CRMP1: variants seen among roughly 807,000 people sequenced by gnomAD.
CRMP1 encodes the protein collapsin response mediator protein 1.
CRMP1 carries 19 observed loss-of-function variants against 68.3 expected under a neutral mutation model. The observed-to-expected ratio is 0.28, with a 90% CI of 0.19 to 0.41. CRMP1 has a LOEUF of 0.41. CRMP1 is among the 10% of genes least tolerant of loss of function. The pLI is 1.00. For synonymous variants in CRMP1, 439 were observed against 399.6 expected (o/e 1.10, Z -1.18); for missense variants, 791 against 967.4 (o/e 0.82, Z 2.42).
At position 5,838,270 on chromosome 4, in the gene CRMP1, G is replaced by C. The variant is rs1028170205; in HGVS notation, c.1310+1252C>G. On this transcript the variant is annotated intron_variant, in intron 9 of 13. Coordinates refer to ENST00000324989, the MANE Select transcript of CRMP1 (RefSeq NM_001014809.3). This position sits in a 1 kb window ranked among gnomAD's most constrained non-coding sequence, Gnocchi z 4.9. ...CTGGGACTGGACCGAGGGAGCCAAG[G>C]GCAGAGGAGGCCCAGGGAGGGAGGT... Among the ~76,000 whole-genome samples, 3 of 152,112 alleles carry C rather than the reference G, an allele frequency of 2.0e-5. No individual in the cohort carries two copies. The South Asian group carries it at 6.2e-4, about 32-fold the overall frequency.
At chr4:5,844,940 C>T (rs1712077914) in intron 6 of CRMP1, among the ~76,000 whole-genome samples, 1 of 152,276 alleles carries the variant, frequency 6.6e-6, no homozygotes, top group Non-Finnish European at 1.5e-5. Flanking sequence ...CATCACGGTT[C>T]CAAATGTGAA....
rs1181479352 is a variant in CRMP1, at chr4:5,890,466, C to T, written c.381+2123G>A. On this transcript the variant is annotated intron_variant, in intron 1 of 13. Transcript: ENST00000324989. The surrounding 1 kb of genome is among the most constrained non-coding windows in gnomAD (Gnocchi z 5.5). Reference sequence around the variant, plus strand: ...GGGCACCCGTTGCGAAGCCCTGGAGCGGTGAGGCCCGCCCCGGAACCCGAG... The same window carrying T: ...GGGCACCCGTTGCGAAGCCCTGGAGTGGTGAGGCCCGCCCCGGAACCCGAG... 6.6e-6 allele frequency among the ~76,000 whole-genome samples: 1 copy of T among 152,178 alleles called. No individual in the cohort carries two copies. Among genetic ancestry groups the T allele is most frequent in the Non-Finnish European group, 1.5e-5 (1 of 68,012 alleles).
intron 9 of CRMP1, among the ~76,000 whole-genome samples, chr4:5,837,985 G>A (rs907259683): frequency 1.3e-5 from 2 of 152,168 alleles, no homozygotes; most frequent in Non-Finnish European, 2.9e-5. Context: ...GGCGAATGGG[G>A]CACATGGGCG....
rs1256336197 is a variant in CRMP1, at chr4:5,853,190, A to C, written c.821-1721T>G. 6.6e-6 allele frequency among the ~76,000 whole-genome samples: 1 copy of C among 152,236 alleles called. No individual in the cohort carries two copies. The highest frequency in any genetic ancestry group is 1.5e-5 in the Non-Finnish European group (1 of 68,044). On this transcript the variant is annotated intron_variant, in intron 4 of 13. Transcript: ENST00000324989. The surrounding 1 kb of genome is among the most constrained non-coding windows in gnomAD (Gnocchi z 4.7). ...CAATTTGGGAGGCCAAGGCAGGTGG[A>C]TCACCTGAGGTCAAGAGTTCAGGAC...
At position 5,828,476 on chromosome 4, in the gene CRMP1, C is replaced by T; in HGVS notation, c.1803+13G>A. 6.2e-7 allele frequency: 1 copy of T among 1,611,766 alleles called. No homozygotes were observed. Among genetic ancestry groups the T allele is most frequent in the Non-Finnish European group, 8.5e-7 (1 of 1,178,178 alleles). ...TCCCACGGGTGGGCCCGCTCCCCTGCAGACACACTCACCTTATTCCTGATT... is the reference window on the plus strand; with the variant it reads ...TCCCACGGGTGGGCCCGCTCCCCTGTAGACACACTCACCTTATTCCTGATT... On this transcript the variant is annotated intron_variant, in intron 12 of 13. Transcript: ENST00000324989.
rs957832476 is a variant in CRMP1 at position 5,838,384 on chromosome 4, A to G, written c.1310+1138T>C. Among the ~76,000 whole-genome samples the G allele has an allele frequency of 2.6e-5, 4 of 151,978 alleles. No homozygotes were observed. Among genetic ancestry groups the G allele is most frequent in the African/African-American group, 9.7e-5 (4 of 41,368 alleles). On this transcript the variant is annotated intron_variant, in intron 9 of 13. Coordinates refer to ENST00000324989, the MANE Select transcript of CRMP1 (RefSeq NM_001014809.3). The surrounding 1 kb of genome is among the most constrained non-coding windows in gnomAD (Gnocchi z 4.9). The stretch of plus-strand genomic sequence containing the variant: ...ACTGGCAGAGGACTTACTGGTTCCA[A>G]GCAGAGGGGTGCTTGATCTAATCTA...
rs113050195 is a variant in CRMP1 at position 5,855,909 on chromosome 4, G to A, written c.820+234C>T. Among the ~76,000 whole-genome samples the A allele has an allele frequency of 0.028, 4,296 of 152,256 alleles. 111 individuals carry two copies. The highest frequency in any genetic ancestry group is 0.069 in the African/African-American group (2,881 of 41,532). The stretch of plus-strand genomic sequence containing the variant: ...ATCAGCAAGGGCCTGGGCACAGCAG[G>A]CTGCAGAGACTGGATCTGCTTCTGA... On this transcript the variant is annotated intron_variant, in intron 4 of 13. Coordinates refer to ENST00000324989, the MANE Select transcript of CRMP1 (RefSeq NM_001014809.3). The surrounding 1 kb of genome is among the most constrained non-coding windows in gnomAD (Gnocchi z 4.9).
chr4:5,833,989 T>C (rs1305263526), intron 11 of CRMP1, among the ~76,000 whole-genome samples: 2 of 152,158 alleles, frequency 1.3e-5, no homozygotes, highest in Admixed American at 1.3e-4. Context: ...GAGCTTGCAG[T>C]GAGCCGAGAT....
chr4:5,868,309 T>A lies in CRMP1; in HGVS notation c.382-1553A>T, dbSNP rs567323205. On this transcript the variant is annotated intron_variant, in intron 1 of 13. Transcript: ENST00000324989. ...TATATATATATATATATATACATAATTTTTTTTTTTGAGACGGAGTCTCAC... is the reference window on the plus strand; with the variant it reads ...TATATATATATATATATATACATAAATTTTTTTTTTGAGACGGAGTCTCAC... Among the ~76,000 whole-genome samples, 6 of 117,288 alleles carry A rather than the reference T, an allele frequency of 5.1e-5. No homozygotes were observed. In the South Asian group the frequency reaches 1.2e-3, roughly 23 times the overall value. The allele number at this position is 117,288 out of a possible 152,430, so 76.9% of individuals were successfully genotyped here.
chr4:5,852,054 A>G (rs1234460572), intron 4 of CRMP1, among the ~76,000 whole-genome samples: 1 of 152,190 alleles, frequency 6.6e-6, no homozygotes, highest in African/African-American at 2.4e-5. Flanking sequence ...GGGGTGTGGT[A>G]AGGATAAGGA....
intron 1 of CRMP1, among the ~76,000 whole-genome samples, chr4:5,867,406 A>C (rs889794089): frequency 6.6e-6 from 1 of 152,212 alleles, no homozygotes; most frequent in Non-Finnish European, 1.5e-5. Flanking sequence ...ACAGGGAGTT[A>C]TCAAGGTATT....
At chr4:5,827,358 C>T (rs1290451157) in intron 12 of CRMP1, among the ~76,000 whole-genome samples, 1 of 152,166 alleles carries the variant, frequency 6.6e-6, no homozygotes, top group African/African-American at 2.4e-5. Flanking sequence ...TTGTTTCCAC[C>T]CCATCCCTTG....
At chr4:5,887,577 C>G (rs1444381461) in intron 1 of CRMP1, 1 of 984,906 alleles carries the variant, frequency 1.0e-6, no homozygotes, top group Non-Finnish European at 1.2e-6. Context: ...TCTGCCTCCA[C>G]CACCGTCCCC....
rs1294992670 is a variant in CRMP1, at chr4:5,861,069, G to A, written c.612C>T (p.Phe204=). 3 of 1,614,174 alleles carry A rather than the reference G, an allele frequency of 1.9e-6. No homozygotes were observed. Among genetic ancestry groups the A allele is most frequent in the Admixed American group, 3.3e-5 (2 of 60,022 alleles). Residue 204 remains phenylalanine (F), a synonymous_variant, in exon 3 of 14, where the codon TTC becomes TTT. Coordinates refer to ENST00000324989, the MANE Select transcript of CRMP1 (RefSeq NM_001014809.3). This position sits in a 1 kb window ranked among gnomAD's most constrained non-coding sequence, Gnocchi z 6.0. ...CCACCAGTGCCGCCCTGGTCCCTTG[G>A]AAGAAGTCATCAGCCGCAGTCATCC... ...SQGMTAADDF[F]QGTRAALVGG... is the part of the protein sequence containing the mutation.
rs768478598 is a variant in CRMP1, at chr4:5,836,894, C to G, written c.1323G>C (p.Gln441His). 2.5e-6 allele frequency: 4 copies of G among 1,611,320 alleles called. No individual in the cohort carries two copies. The South Asian group carries it at 4.4e-5, about 18-fold the overall frequency. Residue 441 changes from glutamine (Q) to histidine (H), a missense_variant, in exon 10 of 14, where the codon CAG becomes CAC. By Grantham distance (24) the Gln-to-His change is conservative. Around this residue, in one of 3 missense-constraint regions of CRMP1, gnomAD observed 594 missense variants for 763.6 expected, o/e 0.78. Coordinates refer to ENST00000324989, the MANE Select transcript of CRMP1 (RefSeq NM_001014809.3). ...LTSLLACGDLQVTGSGHCPYS... is the reference protein window; with the variant it reads ...LTSLLACGDLHVTGSGHCPYS... Reference sequence around the variant, plus strand: ...AGGGACAGTGGCCGCTGCCTGTGACCTGCAAGTCCCCACTGGCAAGGACAA... The same window carrying G: ...AGGGACAGTGGCCGCTGCCTGTGACGTGCAAGTCCCCACTGGCAAGGACAA...
In CRMP1 at chr4:5,858,061, G is replaced by C. The variant is rs1322190333; in HGVS notation, c.656-1754C>G. ...GACCCTCACATCTCTAGGTCTAATG[G>C]GGAGCATGCAGTCCTCAGTCTCTTG... On this transcript the variant is annotated intron_variant, in intron 3 of 13. Coordinates refer to ENST00000324989, the MANE Select transcript of CRMP1 (RefSeq NM_001014809.3). The surrounding 1 kb of genome is among the most constrained non-coding windows in gnomAD (Gnocchi z 5.5). Among the ~76,000 whole-genome samples the C allele has an allele frequency of 6.6e-6, 1 of 151,984 alleles. No individual in the cohort carries two copies. Among genetic ancestry groups the C allele is most frequent in the Non-Finnish European group, 1.5e-5 (1 of 68,004 alleles).
At chr4:5,844,942 A>C (rs1712078129) in intron 6 of CRMP1, among the ~76,000 whole-genome samples, 1 of 152,258 alleles carries the variant, frequency 6.6e-6, no homozygotes, top group Non-Finnish European at 1.5e-5. Context: ...TCACGGTTCC[A>C]AATGTGAAAC....
intron 1 of CRMP1, among the ~76,000 whole-genome samples, chr4:5,882,484 G>A (rs1197885275): frequency 2.0e-5 from 3 of 152,194 alleles, no homozygotes; most frequent in Admixed American, 2.0e-4. Flanking sequence ...ATAATAATAA[G>A]AGCTAATCCA....
intron 6 of CRMP1, among the ~76,000 whole-genome samples, chr4:5,846,346 GCTGTGC>G (rs1318105752): frequency 2.0e-5 from 3 of 152,060 alleles, no homozygotes; most frequent in African/African-American, 7.2e-5. Context: ...AGAGATGAAG[GCTGTGC>G]CTGTGGACCA....
Sources: allele counts gnomAD v4.1 joint callset (sites outside exome capture counted in the v4.1 genomes callset), GRCh38; gene constraint gnomAD v4.1.1; regional missense constraint gnomAD v4.1.1; non-coding constraint Gnocchi (gnomAD v3.1); transcripts MANE v1.5; gene names NCBI Gene and HGNC (gene_info 2026-07-23, HGNC 2026-07-21).